SLC35F4: variants seen among roughly 807,000 people sequenced by gnomAD.
SLC35F4 encodes chromosome 14 open reading frame 36.
In SLC35F4, 24 loss-of-function variants were observed where a neutral mutation model predicts 44.2. The observed-to-expected ratio is 0.54, with a 90% CI of 0.39 to 0.76. The LOEUF (loss-of-function observed/expected upper bound fraction) is 0.76, where lower values mean the gene tolerates loss of function less well. Ranked by LOEUF, SLC35F4 falls within the 30% of genes least tolerant of loss-of-function variation. SLC35F4 has a pLI of 0.00. For synonymous variants in SLC35F4, 238 were observed against 223.6 expected (o/e 1.06, Z -0.57); for missense variants, 562 against 586.1 (o/e 0.96, Z 0.42).
chr14:57,586,556 A>G (rs2069734063), intron 3 of SLC35F4, among the ~76,000 whole-genome samples: 1 of 151,580 alleles, frequency 6.6e-6, no homozygotes, highest in Non-Finnish European at 1.5e-5. Context: ...TCTCTACTAA[A>G]AAATACAAAA....
At position 57,809,005 on chromosome 14, in the gene SLC35F4, T is replaced by C. The variant is rs1290943844; in HGVS notation, c.103+56718A>G. ...CCTGAATCACTCTGAGTTTACATAG[T>C]GGCATTTTTTGCCCAGCCACATTCT... On this transcript the variant is annotated intron_variant, in intron 1 of 7. Coordinates refer to ENST00000556826, the MANE Select transcript of SLC35F4 (RefSeq NM_001306087.2). Among the ~76,000 whole-genome samples, 5 of 152,194 alleles carry C rather than the reference T, an allele frequency of 3.3e-5. No homozygotes were observed. In the East Asian group the frequency reaches 9.6e-4, roughly 29 times the overall value.
At chr14:57,952,408 C>T (rs1200084093) in intron 1 of SLC35F4, among the ~76,000 whole-genome samples, 1 of 151,948 alleles carries the variant, frequency 6.6e-6, no homozygotes, top group Admixed American at 6.5e-5. Context: ...TTCTCACCAG[C>T]AAGGAAACAA....
At chr14:57,678,579 T>C (rs1246786295) in intron 1 of SLC35F4, among the ~76,000 whole-genome samples, 2 of 151,662 alleles carry the variant, frequency 1.3e-5, no homozygotes, top group African/African-American at 2.4e-5. Context: ...ACCCACAAAT[T>C]GGATGAAGAG....
At chr14:57,742,188 ACAT>A (rs1363270820) in intron 1 of SLC35F4, among the ~76,000 whole-genome samples, 3 of 152,216 alleles carry the variant, frequency 2.0e-5, no homozygotes, top group African/African-American at 4.8e-5. Context: ...TAACCAGCTA[ACAT>A]CATAATGACA....
intron 1 of SLC35F4, among the ~76,000 whole-genome samples, chr14:57,876,891 T>C (rs1354343469): frequency 6.6e-6 from 1 of 152,142 alleles, no homozygotes; most frequent in Admixed American, 6.6e-5. Flanking sequence ...TGATTATTCC[T>C]AATGAGGAAC....
At chr14:57,778,183 T>C (rs1222749179) in intron 1 of SLC35F4, among the ~76,000 whole-genome samples, 1 of 152,216 alleles carries the variant, frequency 6.6e-6, no homozygotes, top group African/African-American at 2.4e-5. Flanking sequence ...TAACATGACT[T>C]GCTCCTCCTT....
chr14:57,827,736 T>C (rs1470384982), intron 1 of SLC35F4, among the ~76,000 whole-genome samples: 1 of 151,896 alleles, frequency 6.6e-6, no homozygotes, highest in Non-Finnish European at 1.5e-5. Context: ...ACTTTGGTGA[T>C]TTTTTTGTTA....
chr14:57,662,375 G>A (rs1317730792), intron 1 of SLC35F4, among the ~76,000 whole-genome samples: 1 of 152,172 alleles, frequency 6.6e-6, no homozygotes, highest in Non-Finnish European at 1.5e-5. Context: ...TGGCAATATT[G>A]AGAGTTGGAC....
At chr14:57,865,350 C>T (rs1047402505) in intron 1 of SLC35F4, among the ~76,000 whole-genome samples, 1 of 150,086 alleles carries the variant, frequency 6.7e-6, no homozygotes, top group African/African-American at 2.4e-5. Flanking sequence ...GGGCATGTAT[C>T]CCCTAGGGCT....
At chr14:57,753,001 T>C (rs1166276932) in intron 1 of SLC35F4, among the ~76,000 whole-genome samples, 5 of 152,184 alleles carry the variant, frequency 3.3e-5, no homozygotes, top group African/African-American at 7.2e-5. Context: ...GCTACTGATA[T>C]TCTCTTCACT....
At chr14:57,908,140 G>A (rs1889143013) in intron 1 of SLC35F4, among the ~76,000 whole-genome samples, 1 of 152,186 alleles carries the variant, frequency 6.6e-6, no homozygotes, top group Admixed American at 6.5e-5. Flanking sequence ...TTTTATGGCT[G>A]CATAGTAGTC....
At chr14:57,947,690 T>C (rs1473916915) in intron 1 of SLC35F4, among the ~76,000 whole-genome samples, 1 of 151,938 alleles carries the variant, frequency 6.6e-6, no homozygotes, top group East Asian at 1.9e-4. Flanking sequence ...ATTACCTTGA[T>C]ATATGTCCCA....
chr14:57,981,970 G>C (rs907240071), exon 1 of SLC35F4: 10 of 152,088 alleles, frequency 6.6e-5, no homozygotes, highest in African/African-American at 2.4e-4. Flanking sequence ...ACTGTCTTCT[G>C]CTGCATATCA....
intron 1 of SLC35F4, among the ~76,000 whole-genome samples, chr14:57,750,201 G>A (rs1268879790): frequency 6.6e-6 from 1 of 152,114 alleles, no homozygotes; most frequent in Non-Finnish European, 1.5e-5. Flanking sequence ...CATCCATGTT[G>A]CTGCAAATGA....
rs190460084 is a variant in SLC35F4 at position 57,586,642 on chromosome 14, C to A, written c.587+2574G>T. 1.4e-4 allele frequency among the ~76,000 whole-genome samples: 20 copies of A among 139,786 alleles called. No homozygotes were observed. The Admixed American group carries it at 1.5e-3, about 10-fold the overall frequency. The allele number at this position is 139,786 out of a possible 152,430, so 91.7% of individuals were successfully genotyped here. A position where few individuals can be genotyped will look rare whatever the true frequency, so the allele number is the denominator to read the frequency against. ...CTAAGGCAGGAGAATGTCGTGAACC[C>A]AGGAGGTGGAGCTGGCAGTCAGCCG... On this transcript the variant is annotated intron_variant, in intron 3 of 7. Transcript: ENST00000556826.
intron 1 of SLC35F4, among the ~76,000 whole-genome samples, chr14:57,880,070 AAGGAAGGAAGGAAG>A (rs779917009): frequency 0.06 from 8,230 of 138,192 alleles, 414 homozygotes; most frequent in African/African-American, 0.11. Context: ...GGAAGGAAGG[AAGGAAGGAAGGAAG>A]GAAGGAAGGA....
intron 3 of SLC35F4, among the ~76,000 whole-genome samples, chr14:57,582,984 G>A (rs958032503): frequency 1.3e-5 from 2 of 152,058 alleles, no homozygotes; most frequent in Non-Finnish European, 2.9e-5. Flanking sequence ...GTTCCAGGAA[G>A]GTTAAAGACA....
At chr14:57,869,580 T>C (rs985492933), upstream of SLC35F4, among the ~76,000 whole-genome samples, 3 of 152,192 alleles carry the variant, frequency 2.0e-5, no homozygotes, top group African/African-American at 7.2e-5. Flanking sequence ...TCTGGGAAAT[T>C]AGTATATTTT....
chr14:57,883,120 T>A (rs1052856794), intron 1 of SLC35F4, among the ~76,000 whole-genome samples: 1 of 151,906 alleles, frequency 6.6e-6, no homozygotes, highest in East Asian at 1.9e-4. Context: ...TCAAGAAGAA[T>A]GCGACATGGA....
Sources: gnomAD v4.1 joint callset for allele counts (sites outside exome capture counted in the v4.1 genomes callset) on GRCh38, gnomAD v4.1.1 for gene constraint, MANE v1.5 for transcripts, NCBI Gene and HGNC (gene_info 2026-07-23, HGNC 2026-07-21) for gene names.